SHANK2: variants seen among roughly 807,000 people sequenced by gnomAD.
SHANK2 encodes the protein SH3 and multiple ankyrin repeat domains 2.
In SHANK2, 43 loss-of-function variants were observed where a neutral mutation model predicts 133.7. The observed-to-expected ratio is 0.32, with a 90% CI of 0.25 to 0.41. The LOEUF (loss-of-function observed/expected upper bound fraction) is 0.41, where lower values mean the gene tolerates loss of function less well. Among genes scored for constraint, SHANK2 ranks in the 10% least tolerant of loss-of-function variants. The pLI is 1.00. For synonymous variants in SHANK2, 1,017 were observed against 952.8 expected (o/e 1.07, Z -1.24); for missense variants, 1,994 against 2,235.8 (o/e 0.89, Z 2.18).
chr11:70,752,562 C>T lies in SHANK2; in HGVS notation c.1777+45881G>A, dbSNP rs782196920. Among the ~76,000 whole-genome samples the T allele has an allele frequency of 6.8e-4, 104 of 152,100 alleles. 1 individual carries two copies. In the South Asian group the frequency reaches 0.012, roughly 18 times the overall value. On this transcript the variant is annotated intron_variant, in intron 14 of 25. Coordinates refer to ENST00000601538, the MANE Select transcript of SHANK2 (RefSeq NM_012309.5). ...TCTACTAAAAATACAAAAAGTTAGC[C>T]GGGCGAAGTGGCGGGCGCCTGTAGT...
intron 10 of SHANK2, among the ~76,000 whole-genome samples, chr11:70,930,564 C>T (rs1485874304): frequency 2.0e-5 from 3 of 152,208 alleles, no homozygotes; most frequent in Non-Finnish European, 4.4e-5. Context: ...ACCTAAGCCA[C>T]TCTCAAGTCA....
rs140033623 is a variant in SHANK2, at chr11:70,535,149, C to T, written c.2062-32218G>A. Among the ~76,000 whole-genome samples, 30 of 152,280 alleles carry T rather than the reference C, an allele frequency of 2.0e-4. No homozygotes were observed. The highest frequency in any genetic ancestry group is 6.7e-4 in the African/African-American group (28 of 41,574). On this transcript the variant is annotated intron_variant, in intron 17 of 25. Transcript: ENST00000601538. This position sits in a 1 kb window ranked among gnomAD's most constrained non-coding sequence, Gnocchi z 4.3. ...TGCTCATGACCAGGGATGGTTCCCA[C>T]GAACACCTTCCTCCCTCCCACCCTC...
At chr11:70,741,188 CATT>C (rs1946516132) in intron 14 of SHANK2, among the ~76,000 whole-genome samples, 1 of 69,412 alleles carries the variant, frequency 1.4e-5, no homozygotes, top group Non-Finnish European at 3.6e-5. Context: ...TCCATCCATG[CATT>C]CAACCACCCA....
At chr11:71,080,102 T>C (rs1164649165) in intron 8 of SHANK2, among the ~76,000 whole-genome samples, 2 of 152,152 alleles carry the variant, frequency 1.3e-5, no homozygotes, top group Admixed American at 1.3e-4. Context: ...TCTCTGGCTG[T>C]TGAGACAGCT....
intron 7 of SHANK2, among the ~76,000 whole-genome samples, chr11:71,094,301 G>T (rs1951568208): frequency 6.6e-6 from 1 of 152,164 alleles, no homozygotes. Context: ...GAAGGTGAAA[G>T]ATGACTTCTT....
intron 2 of SHANK2, among the ~76,000 whole-genome samples, chr11:71,173,888 A>C (rs954789431): frequency 1.3e-4 from 20 of 152,198 alleles, no homozygotes; most frequent in Non-Finnish European, 2.8e-4. Context: ...CCAGGGCTTC[A>C]AGAGGGGAGG....
intron 1 of SHANK2, among the ~76,000 whole-genome samples, chr11:71,226,916 C>G (rs1555122337): frequency 6.6e-6 from 1 of 152,038 alleles, no homozygotes; most frequent in African/African-American, 2.4e-5. Flanking sequence ...GCAAAAATTA[C>G]AACATAATCT....
intron 1 of SHANK2, among the ~76,000 whole-genome samples, chr11:71,240,311 G>A (rs1489710076): frequency 6.6e-6 from 1 of 152,194 alleles, no homozygotes; most frequent in East Asian, 1.9e-4. Flanking sequence ...TTCTCAATGA[G>A]CTCTGGGGTC....
chr11:71,229,495 C>T (rs1954700474), intron 1 of SHANK2, among the ~76,000 whole-genome samples: 1 of 152,072 alleles, frequency 6.6e-6, no homozygotes, highest in Admixed American at 6.5e-5. Context: ...GTTGGCTGGG[C>T]GCAGTGGGTC....
chr11:70,493,951 C>T (rs1467613830), intron 21 of SHANK2, among the ~76,000 whole-genome samples: 4 of 152,152 alleles, frequency 2.6e-5, no homozygotes, highest in African/African-American at 4.8e-5. Flanking sequence ...CAAGCTGAGG[C>T]GGAAGTTACC....
chr11:71,215,988 G>C (rs1395551476), intron 2 of SHANK2, among the ~76,000 whole-genome samples: 1 of 152,074 alleles, frequency 6.6e-6, no homozygotes, highest in African/African-American at 2.4e-5. Flanking sequence ...AGCAGGCAAG[G>C]GAGTGGAGCA....
intron 7 of SHANK2, among the ~76,000 whole-genome samples, chr11:71,093,533 G>A (rs1951554700): frequency 6.6e-6 from 1 of 152,038 alleles, no homozygotes; most frequent in Non-Finnish European, 1.5e-5. Context: ...GATAGTGAGT[G>A]AGTGCTCATG....
chr11:71,166,570 T>G (rs1363359392), intron 2 of SHANK2, among the ~76,000 whole-genome samples: 1 of 146,004 alleles, frequency 6.8e-6, no homozygotes, highest in African/African-American at 2.6e-5. Flanking sequence ...AACCTCCACC[T>G]CCCAAGGTTC....
At chr11:70,872,757 A>T (rs2135546967) in intron 11 of SHANK2, among the ~76,000 whole-genome samples, 1 of 152,150 alleles carries the variant, frequency 6.6e-6, no homozygotes, top group Non-Finnish European at 1.5e-5. Context: ...ACCACTTGAA[A>T]ACTGATGGGT....
chr11:70,638,792 T>C (rs889890634), intron 17 of SHANK2, among the ~76,000 whole-genome samples: 1 of 151,542 alleles, frequency 6.6e-6, no homozygotes, highest in African/African-American at 2.4e-5. Flanking sequence ...GGATCAGGAG[T>C]TCGAGACCAA....
intron 17 of SHANK2, among the ~76,000 whole-genome samples, chr11:70,621,747 G>A (rs1206892690): frequency 6.6e-6 from 1 of 152,192 alleles, no homozygotes; most frequent in African/African-American, 2.4e-5. Context: ...ACGTGGGTAT[G>A]GGGAAGAATG....
chr11:70,733,197 G>T (rs1946326588), intron 14 of SHANK2, among the ~76,000 whole-genome samples: 1 of 152,138 alleles, frequency 6.6e-6, no homozygotes, highest in Admixed American at 6.5e-5. Flanking sequence ...TCACAGCTGG[G>T]TTTTGCAGGA....
chr11:70,584,968 C>A lies in SHANK2; in HGVS notation c.2061+74860G>T, dbSNP rs148948362. On this transcript the variant is annotated intron_variant, in intron 17 of 25. Coordinates refer to ENST00000601538, the MANE Select transcript of SHANK2 (RefSeq NM_012309.5). ...TCTGGTGCATGCTGGTGCCTGAGATCGTCAGCGGAGACGCAGAGGCCTAAG... is the reference window on the plus strand; with the variant it reads ...TCTGGTGCATGCTGGTGCCTGAGATAGTCAGCGGAGACGCAGAGGCCTAAG... Among the ~76,000 whole-genome samples, 196 of 152,310 alleles carry A rather than the reference C, an allele frequency of 1.3e-3. 2 individuals carry two copies. The highest frequency in any genetic ancestry group is 3.8e-3 in the African/African-American group (156 of 41,552).
intron 8 of SHANK2, among the ~76,000 whole-genome samples, chr11:71,085,479 A>ATATGTTATATAATATATAATATATATGT (rs1951366520): frequency 1.3e-4 from 16 of 124,528 alleles, no homozygotes; most frequent in African/African-American, 5.0e-4. Flanking sequence ...TATATAATAT[A>ATATGTTATATAATATATAATATATATGT]TATGTTATAT....
Sources: gnomAD v4.1 joint callset for allele counts (sites outside exome capture counted in the v4.1 genomes callset) on GRCh38, gnomAD v4.1.1 for gene constraint, Gnocchi (gnomAD v3.1) non-coding constraint, MANE v1.5 for transcripts, NCBI Gene and HGNC (gene_info 2026-07-23, HGNC 2026-07-21) for gene names.